The following TACR3 variants were observed in gnomAD, a reference collection of about 807,000 sequenced individuals.
TACR3 encodes neuromedin-K receptor.
Under a neutral mutation model 35.0 loss-of-function variants are expected in TACR3, and 34 were observed. That is an observed-to-expected ratio of 0.97 (90% CI 0.74 to 1.30). The LOEUF is 1.30. Ranked by LOEUF, TACR3 falls within the 50% of genes most tolerant of loss-of-function variation. TACR3 has a pLI of 0.00. For synonymous variants in TACR3, 233 were observed against 221.1 expected (o/e 1.05, Z -0.48); for missense variants, 558 against 591.7 (o/e 0.94, Z 0.59).
intron 1 of TACR3, among the ~76,000 whole-genome samples, chr4:103,678,689 G>A (rs772152900): frequency 1.3e-5 from 2 of 151,740 alleles, no homozygotes; most frequent in African/African-American, 2.4e-5. Flanking sequence ...TGGGTACTAC[G>A]CAGAAAGATA....
At chr4:103,595,333 G>A (rs762184420) in intron 3 of TACR3, among the ~76,000 whole-genome samples, 5 of 152,096 alleles carry the variant, frequency 3.3e-5, no homozygotes, top group Non-Finnish European at 7.4e-5. Context: ...TTATTAAGTG[G>A]GTAGCCACCC....
At chr4:103,615,418 A>T (rs1201893790) in intron 3 of TACR3, among the ~76,000 whole-genome samples, 21 of 150,760 alleles carry the variant, frequency 1.4e-4, no homozygotes, top group Non-Finnish European at 2.7e-4. Flanking sequence ...AGAGAGAGAG[A>T]GAGAGAGAGA....
chr4:103,653,699 G>T (rs1307619689), intron 3 of TACR3, among the ~76,000 whole-genome samples: 2 of 151,856 alleles, frequency 1.3e-5, no homozygotes, highest in African/African-American at 4.8e-5. Flanking sequence ...TGACAAATGG[G>T]ATCTAATTAA....
intron 3 of TACR3, among the ~76,000 whole-genome samples, chr4:103,641,648 A>G (rs76502554): frequency 3.9e-5 from 6 of 152,138 alleles, no homozygotes; most frequent in Non-Finnish European, 7.4e-5. Context: ...AGGAATTGAA[A>G]TGAGTATATC....
intron 1 of TACR3, among the ~76,000 whole-genome samples, chr4:103,704,011 G>A (rs1024615563): frequency 2.7e-5 from 4 of 146,760 alleles, no homozygotes; most frequent in African/African-American, 7.4e-5. Context: ...GGCTGAGGCA[G>A]GAGAATGGAG....
At chr4:103,627,820 C>T (rs951346835) in intron 3 of TACR3, among the ~76,000 whole-genome samples, 1 of 152,078 alleles carries the variant, frequency 6.6e-6, no homozygotes, top group Non-Finnish European at 1.5e-5. Context: ...TAACTCTCCA[C>T]CCCCATATCA....
intron 3 of TACR3, among the ~76,000 whole-genome samples, chr4:103,646,112 G>T (rs1429857693): frequency 6.6e-6 from 1 of 151,962 alleles, no homozygotes; most frequent in Non-Finnish European, 1.5e-5. Context: ...GGTCAAATTT[G>T]AACATACTAG....
intron 1 of TACR3, among the ~76,000 whole-genome samples, chr4:103,703,024 A>G (rs1722696394): frequency 1.3e-5 from 2 of 152,110 alleles, no homozygotes; most frequent in South Asian, 4.1e-4. Context: ...CGCGTTGTGC[A>G]CATGTACCCT....
At chr4:103,598,590 T>A (rs1486354861) in intron 3 of TACR3, among the ~76,000 whole-genome samples, 4 of 152,214 alleles carry the variant, frequency 2.6e-5, no homozygotes, top group Admixed American at 2.6e-4. Flanking sequence ...GTTTTAGGTC[T>A]AACATGTAAG....
At chr4:103,642,406 T>C (rs112190223) in intron 3 of TACR3, among the ~76,000 whole-genome samples, 6 of 151,920 alleles carry the variant, frequency 3.9e-5, no homozygotes, top group South Asian at 2.1e-4. Context: ...ATTATTTGTC[T>C]ATTATAAAAA....
intron 1 of TACR3, among the ~76,000 whole-genome samples, chr4:103,704,636 C>G (rs1032507840): frequency 1.3e-5 from 2 of 152,122 alleles, no homozygotes; most frequent in African/African-American, 4.8e-5. Context: ...ATGGGAGAAA[C>G]CAGCCCCATA....
At chr4:103,718,717 G>T (rs1000797265) in intron 1 of TACR3, among the ~76,000 whole-genome samples, 1 of 152,186 alleles carries the variant, frequency 6.6e-6, no homozygotes, top group African/African-American at 2.4e-5. Flanking sequence ...TTCTCTGCCA[G>T]AATAGTGACT....
At chr4:103,645,192 C>T (rs962322841) in intron 3 of TACR3, among the ~76,000 whole-genome samples, 18 of 151,396 alleles carry the variant, frequency 1.2e-4, no homozygotes, top group Non-Finnish European at 8.9e-5. Flanking sequence ...AAAATGTGTA[C>T]ATATTGTACA....
Position 103,600,945 on chromosome 4 carries a change from G to C in TACR3, c.889-9262C>G, listed in dbSNP as rs1047357431. Among the ~76,000 whole-genome samples, 14 of 152,112 alleles carry C rather than the reference G, an allele frequency of 9.2e-5. 1 individual carries two copies. Among genetic ancestry groups the C allele is most frequent in the Non-Finnish European group, 2.9e-5 (2 of 68,026 alleles). On this transcript the variant is annotated intron_variant, in intron 3 of 4. Coordinates refer to ENST00000304883, the MANE Select transcript of TACR3 (RefSeq NM_001059.3). ...AAAGAATGCATATTTTGTTGATTTG[G>C]GGTGGAGATTTCTGTAGGTGTCTAT...
intron 1 of TACR3, among the ~76,000 whole-genome samples, chr4:103,658,860 C>A (rs1725783091): frequency 6.6e-6 from 1 of 152,014 alleles, no homozygotes; most frequent in Non-Finnish European, 1.5e-5. Context: ...GTTGTGATTC[C>A]ATTGTAATAT....
chr4:103,675,596 A>C (rs1337334165), intron 1 of TACR3, among the ~76,000 whole-genome samples: 1 of 152,170 alleles, frequency 6.6e-6, no homozygotes, highest in Non-Finnish European at 1.5e-5. Context: ...TCAGGTGTGA[A>C]GGGTGAAAGG....
At chr4:103,701,826 C>T (rs1722657825) in intron 1 of TACR3, among the ~76,000 whole-genome samples, 1 of 152,118 alleles carries the variant, frequency 6.6e-6, no homozygotes, top group Admixed American at 6.5e-5. Context: ...ATCAATGGTG[C>T]TGGGAAAACT....
intron 1 of TACR3, among the ~76,000 whole-genome samples, chr4:103,671,370 C>T (rs1395142863): frequency 6.6e-6 from 1 of 151,816 alleles, no homozygotes; most frequent in Non-Finnish European, 1.5e-5. Context: ...TTGGTGTTAG[C>T]TTTTCTTTAA....
chr4:103,640,164 A>G (rs1434013817), intron 3 of TACR3, among the ~76,000 whole-genome samples: 3 of 152,062 alleles, frequency 2.0e-5, no homozygotes, highest in Non-Finnish European at 4.4e-5. Context: ...AAGATGTAGT[A>G]GACCAGTAAC....
Sources: gnomAD v4.1 joint callset for allele counts (sites outside exome capture counted in the v4.1 genomes callset) on GRCh38, gnomAD v4.1.1 for gene constraint, MANE v1.5 for transcripts, NCBI Gene and HGNC (gene_info 2026-07-23, HGNC 2026-07-21) for gene names.